TJAP1: variants seen among roughly 807,000 people sequenced by gnomAD.
TJAP1 encodes the protein tight junction-associated protein 1.
In TJAP1, 27 loss-of-function variants were observed where a neutral mutation model predicts 42.0. The ratio of observed to expected loss-of-function variants is 0.64; its 90% CI spans 0.47 to 0.89. The LOEUF is 0.89. Ranked by LOEUF, TJAP1 falls within the 40% of genes least tolerant of loss-of-function variation. TJAP1 has a pLI of 0.00. For missense variants in TJAP1, 712 were observed against 726.9 expected (o/e 0.98, Z 0.24); for synonymous variants, 257 against 288.4 (o/e 0.89, Z 1.10).
At chr6:43,496,398 C>T (rs1423550109) in intron 2 of TJAP1, among the ~76,000 whole-genome samples, 1 of 152,318 alleles carries the variant, frequency 6.6e-6, no homozygotes, top group South Asian at 2.1e-4. Context: ...GCTCCCCACA[C>T]CCCGGGAATG....
chr6:43,486,089 C>T (rs557936957), intron 2 of TJAP1, among the ~76,000 whole-genome samples: 3 of 150,500 alleles, frequency 2.0e-5, no homozygotes, highest in Non-Finnish European at 3.0e-5. Flanking sequence ...CTCAGCCTCC[C>T]GAGTAGCTGG....
chr6:43,478,092 G>A (rs1581848179), exon 2 of TJAP1: 1 of 152,288 alleles, frequency 6.6e-6, no homozygotes, highest in Non-Finnish European at 1.5e-5. Flanking sequence ...TCTAGGCTTA[G>A]ATCAGCCTTT....
At chr6:43,506,085 C>T (rs915456392) in exon 11 of TJAP1, 15 of 409,676 alleles carry the variant, frequency 3.7e-5, no homozygotes, top group Non-Finnish European at 5.1e-5. Context: ...AATATTTATT[C>T]TTCAGAGGTA....
chr6:43,505,842 A>C lies in TJAP1; in HGVS notation c.1661A>C (p.Asn554Thr). 2 of 1,474,390 alleles carry C rather than the reference A, an allele frequency of 1.4e-6. No individual in the cohort carries two copies. The highest frequency in any genetic ancestry group is 2.8e-5 in the South Asian group (2 of 70,720). The allele number at this position is 1,474,390 out of a possible 1,614,324, so 91.3% of individuals were successfully genotyped here. ...CTGACCCAGGCCCAGGAGCAGGGCAACCTGCTCAACTAGGGCCCCTGCTGG... is the reference window on the plus strand; with the variant it reads ...CTGACCCAGGCCCAGGAGCAGGGCACCCTGCTCAACTAGGGCCCCTGCTGG... Residue 554 changes from asparagine to threonine, a missense_variant, in exon 11 of 11, where the codon AAC (asparagine) becomes ACC (threonine). Physicochemically the swap from Asn to Thr is moderately conservative, Grantham distance 65 (BLOSUM62 0). Transcript: ENST00000372449. The surrounding 1 kb of genome is among the most constrained non-coding windows in gnomAD (Gnocchi z 5.5).
chr6:43,502,262 C>T, intron 6 of TJAP1, 21 bp from the exon 7 acceptor site: 5 of 1,613,394 alleles, frequency 3.1e-6, no homozygotes, highest in Non-Finnish European at 4.2e-6. Flanking sequence ...CAGGGATGTG[C>T]CTTGTATTAT....
Position 43,503,525 on chromosome 6 carries a change from A to G in TJAP1, c.495+17A>G. 6.2e-7 allele frequency: 1 copy of G among 1,612,370 alleles called. No individual in the cohort carries two copies. The highest frequency in any genetic ancestry group is 2.2e-5 in the East Asian group (1 of 44,860). ...GAGCTCAATGTATGTGCGCTTCACTACTCGGGCCTTCCTCACCTGGGGCTA... is the reference window on the plus strand; with the variant it reads ...GAGCTCAATGTATGTGCGCTTCACTGCTCGGGCCTTCCTCACCTGGGGCTA... On this transcript the variant is annotated intron_variant, in intron 9 of 10. Coordinates refer to ENST00000372449, the Ensembl canonical transcript of TJAP1.
At position 43,505,442 on chromosome 6, in the gene TJAP1, C is replaced by T. The variant is rs200048590; in HGVS notation, c.1261C>T (p.Arg421Cys). 1.4e-5 allele frequency: 23 copies of T among 1,613,036 alleles called. No homozygotes were observed. The highest frequency in any genetic ancestry group is 4.5e-5 in the East Asian group (2 of 44,888). The change falls in exon 11 of 11, where the codon CGT becomes TGT. Residue 421 changes from arginine to cysteine, a missense_variant. Transcript: ENST00000372449. This position sits in a 1 kb window ranked among gnomAD's most constrained non-coding sequence, Gnocchi z 5.5. ...CAGCTGGCAGCGGGCATTTGTGGACCGTACTCCACCACCTGCTGCTGTGGC... is the reference window on the plus strand; with the variant it reads ...CAGCTGGCAGCGGGCATTTGTGGACTGTACTCCACCACCTGCTGCTGTGGC...
At position 43,504,350 on chromosome 6, in the gene TJAP1, C is replaced by T. The variant is rs375878767; in HGVS notation, c.580-411C>T. 7.0e-5 allele frequency: 16 copies of T among 229,406 alleles called. No homozygotes were observed. The East Asian group carries it at 9.5e-4, about 14-fold the overall frequency. The allele number at this position is 229,406 out of a possible 1,614,324, so 14.2% of individuals were successfully genotyped here. A position where few individuals can be genotyped will look rare whatever the true frequency, so the allele number is the denominator to read the frequency against. On this transcript the variant is annotated intron_variant, in intron 10 of 10. Coordinates refer to ENST00000372449, the Ensembl canonical transcript of TJAP1. ...CAGGATGGTCTCGATCTCCTGACCT[C>T]GTGATCCACCCGCCTCGGCCTCCCA...
chr6:43,483,321 C>A (rs1013303445), intron 2 of TJAP1, among the ~76,000 whole-genome samples: 1 of 152,178 alleles, frequency 6.6e-6, no homozygotes, highest in Non-Finnish European at 1.5e-5. Flanking sequence ...TGCTCCCAAA[C>A]CTATCATGGG....
chr6:43,496,431 AC>A (rs1466742452), intron 2 of TJAP1, among the ~76,000 whole-genome samples: 1 of 152,082 alleles, frequency 6.6e-6, no homozygotes, highest in African/African-American at 2.4e-5. Flanking sequence ...AGGCCCGCCC[AC>A]CCGGATTCCT....
At chr6:43,503,502 G>A in exon 9 of TJAP1, 1 of 1,614,090 alleles carries the variant, frequency 6.2e-7, no homozygotes, top group Non-Finnish European at 8.5e-7. Flanking sequence ...AGCTGGAAGA[G>A]CTCAATGTAT....
chr6:43,492,053 C>G lies in TJAP1; in HGVS notation c.-121-5828C>G, dbSNP rs138239475. Among the ~76,000 whole-genome samples the G allele has an allele frequency of 2.6e-5, 4 of 152,272 alleles. No individual in the cohort carries two copies. Among genetic ancestry groups the G allele is most frequent in the Non-Finnish European group, 5.9e-5 (4 of 68,024 alleles). ...GCTATGACCTTGGGGATTTCTTGCC[C>G]TCTTTTTTTGCAGGGAGGGGTTGGT... On this transcript the variant is annotated intron_variant, in intron 2 of 10. Transcript: ENST00000372449. The surrounding 1 kb of genome is among the most constrained non-coding windows in gnomAD (Gnocchi z 4.2).
exon 11 of TJAP1, chr6:43,506,022 A>G (rs1344751472): frequency 1.7e-6 from 1 of 585,810 alleles, no homozygotes; most frequent in African/African-American, 1.9e-5. Flanking sequence ...CAGGCCTGTC[A>G]GCTGCGTTGA....
rs763357562 is a variant in TJAP1, at chr6:43,505,125, C to T, written c.944C>T (p.Pro315Leu). The change falls in exon 11 of 11, where the codon CCC becomes CTC. Residue 315 changes from proline (P) to leucine (L), a missense_variant. This residue lies in a region of TJAP1 where 549 missense variants were observed against 528.2 expected (regional missense o/e 1.04). Coordinates refer to ENST00000372449, the Ensembl canonical transcript of TJAP1. This position sits in a 1 kb window ranked among gnomAD's most constrained non-coding sequence, Gnocchi z 5.5. ...CTGCCAGCCTTTGAGAAGCTGAACC[C>T]CTACCCAACCCCGTCTCCACCACAC... The T allele has an allele frequency of 1.2e-6, 2 of 1,614,184 alleles. No homozygotes were observed. The highest frequency in any genetic ancestry group is 1.6e-4 in the Middle Eastern group (1 of 6,062).
At chr6:43,488,310 A>G (rs1056896639) in intron 2 of TJAP1, among the ~76,000 whole-genome samples, 1 of 152,350 alleles carries the variant, frequency 6.6e-6, no homozygotes, top group East Asian at 1.9e-4. Flanking sequence ...GAGCCTGGTT[A>G]CAGCCTCCTT....
At chr6:43,490,649 G>T (rs913697028) in intron 2 of TJAP1, among the ~76,000 whole-genome samples, 1 of 152,152 alleles carries the variant, frequency 6.6e-6, no homozygotes, top group African/African-American at 2.4e-5. Context: ...TGAATGCTGG[G>T]GCCCCAAACC....
At chr6:43,479,201 T>C (rs1186855716) in intron 2 of TJAP1, among the ~76,000 whole-genome samples, 1 of 152,200 alleles carries the variant, frequency 6.6e-6, no homozygotes, top group Non-Finnish European at 1.5e-5. Context: ...TGAAGCCTGC[T>C]TCAGGATCAG....
rs2127568510 is a variant in TJAP1 at position 43,495,085 on chromosome 6, C to T, written c.-121-2796C>T. On this transcript the variant is annotated intron_variant, in intron 2 of 10. Transcript: ENST00000372449. This position sits in a 1 kb window ranked among gnomAD's most constrained non-coding sequence, Gnocchi z 4.6. ...ATTGGGAGTCCTCCTTGGGCTGAAA[C>T]ACTCCAAGGCAACTTGGGAAACCTT... Among the ~76,000 whole-genome samples, 1 of 152,358 alleles carries T rather than the reference C, an allele frequency of 6.6e-6. No homozygotes were observed. Among genetic ancestry groups the T allele is most frequent in the South Asian group, 2.1e-4 (1 of 4,832 alleles).
intron 1 of TJAP1, among the ~76,000 whole-genome samples, 157 bp from the exon 2 acceptor site, chr6:43,477,930 A>T (rs1784548660): frequency 6.6e-6 from 1 of 152,154 alleles, no homozygotes; most frequent in African/African-American, 2.4e-5. Flanking sequence ...CGAATAAAGA[A>T]GCCTGGAGCG....
Sources: allele counts gnomAD v4.1 joint callset (sites outside exome capture counted in the v4.1 genomes callset), GRCh38; gene constraint gnomAD v4.1.1; regional missense constraint gnomAD v4.1.1; non-coding constraint Gnocchi (gnomAD v3.1); transcripts MANE v1.5; gene names NCBI Gene and HGNC (gene_info 2026-07-23, HGNC 2026-07-21).